PTRHD1: variants seen among roughly 807,000 people sequenced by gnomAD.
The protein encoded by PTRHD1 is peptidyl-tRNA hydrolase domain containing 1.
PTRHD1 carries 12 observed loss-of-function variants against 13.6 expected under a neutral mutation model. The observed-to-expected ratio is 0.88, with a 90% confidence interval of 0.57 to 1.43. The LOEUF is 1.43. Ranked by LOEUF, PTRHD1 falls within the 40% of genes most tolerant of loss-of-function variation. The pLI is 0.00. For synonymous variants in PTRHD1, 86 were observed against 79.5 expected (o/e 1.08, Z -0.43); for missense variants, 203 against 184.7 (o/e 1.10, Z -0.57).
Position 24,790,531 on chromosome 2 carries a change from C to A in PTRHD1, c.303G>T (p.Lys101Asn), listed in dbSNP as rs781061180. 1.2e-6 allele frequency: 2 copies of A among 1,614,078 alleles called. No homozygotes were observed. Among genetic ancestry groups the A allele is most frequent in the African/African-American group, 2.7e-5 (2 of 74,916 alleles). ...CAAGCCACAGCATGTGGTCAATGTT[C>A]TTCTGTTGCAGGGTCTCGGCCAGCT... ...LKELAETLQQ[K>N]NIDHMLWLEQ... The change falls in exon 2 of 2, where the codon AAG becomes AAT. Residue 101 changes from lysine to asparagine, a missense_variant. Transcript: ENST00000328379.
chr2:24,790,702 G>A, intron 1 of PTRHD1, 121 bp from the exon 2 acceptor site: 1 of 823,152 alleles, frequency 1.2e-6, no homozygotes, highest in Non-Finnish European at 1.9e-6. Flanking sequence ...CAAGGAGGGA[G>A]CTGCAGAGCA....
chr2:24,790,288 T>C lies in PTRHD1; in HGVS notation c.*123A>G, dbSNP rs1665593195. Reference sequence around the variant, plus strand: ...GTAGTTATTAATGACAACTTTAATATGAACATGTGCTTAACCCTCAAGAAA... The same window carrying C: ...GTAGTTATTAATGACAACTTTAATACGAACATGTGCTTAACCCTCAAGAAA... On this transcript the variant is annotated 3_prime_UTR_variant, in exon 2 of 2. Coordinates refer to ENST00000328379, the MANE Select transcript of PTRHD1 (RefSeq NM_001013663.2). 4.4e-6 allele frequency: 5 copies of C among 1,126,876 alleles called. No individual in the cohort carries two copies. The highest frequency in any genetic ancestry group is 2.0e-4 in the Middle Eastern group (1 of 4,918). 69.8% of individuals were successfully genotyped at this position (1,126,876 alleles called of 1,614,324 possible). A position where few individuals can be genotyped will look rare whatever the true frequency, so the allele number is the denominator to read the frequency against.
At position 24,793,239 on chromosome 2, in the gene PTRHD1, G is replaced by C. The variant is rs745532626; in HGVS notation, c.139C>G (p.Leu47Val). Residue 47 changes from leucine (L) to valine (V), a missense_variant, in exon 1 of 2, where the codon CTG becomes GTG. Physicochemically the swap from Leu to Val is conservative, Grantham distance 32. Transcript: ENST00000328379. Reference protein sequence around the residue: ...QAPFSWPAGALVAQACHAATA... With the variant: ...QAPFSWPAGAVVAQACHAATA... ...GCCGCGTGACAAGCCTGCGCTACCAGTGCGCCCGCCGGCCAGGAGAACGGA... is the reference window on the plus strand; with the variant it reads ...GCCGCGTGACAAGCCTGCGCTACCACTGCGCCCGCCGGCCAGGAGAACGGA... 1.2e-6 allele frequency: 2 copies of C among 1,613,572 alleles called. No homozygotes were observed. Among genetic ancestry groups the C allele is most frequent in the South Asian group, 2.2e-5 (2 of 91,090 alleles).
chr2:24,790,398 A>T lies in PTRHD1; in HGVS notation c.*13T>A. ...ATGGGTGGCCTGCGTATTCAAACAC[A>T]TCAAAGCAGCAGTTACTTGAACAAT... On this transcript the variant is annotated 3_prime_UTR_variant, in exon 2 of 2. Transcript: ENST00000328379. The T allele has an allele frequency of 6.2e-7, 1 of 1,612,076 alleles. No homozygotes were observed. Among genetic ancestry groups the T allele is most frequent in the Non-Finnish European group, 8.5e-7 (1 of 1,178,660 alleles).
chr2:24,793,024 T>C (rs1023163329), intron 1 of PTRHD1, 102 bp downstream of exon 1: 1 of 1,377,200 alleles, frequency 7.3e-7, no homozygotes, highest in South Asian at 1.4e-5. Flanking sequence ...TCACCCCAAC[T>C]CCCGCCGCAC....
In PTRHD1 at chr2:24,793,368, C is replaced by T. The variant is rs369029588; in HGVS notation, c.10G>A (p.Gly4Arg). 28 of 1,613,360 alleles carry T rather than the reference C, an allele frequency of 1.7e-5. No homozygotes were observed. In the South Asian group the frequency reaches 2.9e-4, roughly 16 times the overall value. Residue 4 changes from glycine to arginine, a missense_variant, in exon 1 of 2, where the codon GGA (glycine) becomes AGA (arginine). Physicochemically the swap from Gly to Arg is moderately radical, Grantham distance 125 (BLOSUM62 -2). Coordinates refer to ENST00000328379, the MANE Select transcript of PTRHD1 (RefSeq NM_001013663.2). MHR[G>R]VGPAFRVVRK... Reference sequence around the variant, plus strand: ...ACCACCCGAAAGGCCGGACCTACTCCCCGGTGCATCTTGGGATCAGGGCGG... The same window carrying T: ...ACCACCCGAAAGGCCGGACCTACTCTCCGGTGCATCTTGGGATCAGGGCGG...
Position 24,793,347 on chromosome 2 carries a change from C to T in PTRHD1, c.31G>A (p.Val11Met), listed in dbSNP as rs1665693719. The T allele has an allele frequency of 6.2e-7, 1 of 1,613,776 alleles. No homozygotes were observed. The highest frequency in any genetic ancestry group is 8.5e-7 in the Non-Finnish European group (1 of 1,180,032). Residue 11 changes from valine to methionine, a missense_variant, in exon 1 of 2, where the codon GTG becomes ATG. Val to Met is a conservative substitution (Grantham distance 21, BLOSUM62 1). Transcript: ENST00000328379. Reference protein sequence around the residue: MHRGVGPAFRVVRKMAASGAE... With the variant: MHRGVGPAFRMVRKMAASGAE... ...CCAGAGGCCGCCATCTTCCTGACCA[C>T]CCGAAAGGCCGGACCTACTCCCCGG... is the stretch of plus-strand genomic sequence containing the variant.
chr2:24,789,923 G>A lies in PTRHD1; in HGVS notation c.*488C>T, dbSNP rs1665587143. ...TGGGCTCAAGCGATCCTCCTGCCTTGGCTTCCCAAAACCCTGGAATTAACA... is the reference window on the plus strand; with the variant it reads ...TGGGCTCAAGCGATCCTCCTGCCTTAGCTTCCCAAAACCCTGGAATTAACA... On this transcript the variant is annotated 3_prime_UTR_variant, in exon 2 of 2. Transcript: ENST00000328379. 1 of 155,638 alleles carries A rather than the reference G, an allele frequency of 6.4e-6. No individual in the cohort carries two copies. The allele number at this position is 155,638 out of a possible 1,614,324, so 9.6% of individuals were successfully genotyped here.
At position 24,793,382 on chromosome 2, in the gene PTRHD1, G is replaced by C. The variant is rs746696810; in HGVS notation, c.-5C>G. On this transcript the variant is annotated 5_prime_UTR_variant, in exon 1 of 2. Coordinates refer to ENST00000328379, the MANE Select transcript of PTRHD1 (RefSeq NM_001013663.2). ...CGGACCTACTCCCCGGTGCATCTTGGGATCAGGGCGGGGCCCTGAGCGCCG... is the reference window on the plus strand; with the variant it reads ...CGGACCTACTCCCCGGTGCATCTTGCGATCAGGGCGGGGCCCTGAGCGCCG... 6.2e-7 allele frequency: 1 copy of C among 1,613,018 alleles called. No homozygotes were observed. Among genetic ancestry groups the C allele is most frequent in the Non-Finnish European group, 8.5e-7 (1 of 1,179,658 alleles).
chr2:24,793,210 G>GGTGAGTGTGCAAGGCCGC lies in PTRHD1; in HGVS notation c.167_168insGCGGCCTTGCACACTCAC (p.Thr56_Ala57insArgProCysThrLeuThr). On this transcript the variant is annotated inframe_insertion, in exon 1 of 2. Transcript: ENST00000328379. The stretch of plus-strand genomic sequence containing the variant: ...GGTCGCGGTGAGTGTGCAAGGCCGC[G>GGTGAGTGTGCAAGGCCGC]GTGGCCGCGTGACAAGCCTGCGCTA... The GGTGAGTGTGCAAGGCCGC allele has an allele frequency of 6.2e-7, 1 of 1,613,292 alleles. No homozygotes were observed. Among genetic ancestry groups the GGTGAGTGTGCAAGGCCGC allele is most frequent in the Non-Finnish European group, 8.5e-7 (1 of 1,179,966 alleles).
Position 24,793,227 on chromosome 2 carries a change from C to T in PTRHD1, c.151G>A (p.Ala51Thr). ...AAGGCCGCGGTGGCCGCGTGACAAG[C>T]CTGCGCTACCAGTGCGCCCGCCGGC... ...SWPAGALVAQACHAATAALHT... is the reference protein window; with the variant it reads ...SWPAGALVAQTCHAATAALHT... Residue 51 changes from alanine (A) to threonine (T), a missense_variant, in exon 1 of 2, where the codon GCT becomes ACT. Coordinates refer to ENST00000328379, the MANE Select transcript of PTRHD1 (RefSeq NM_001013663.2). The T allele has an allele frequency of 1.9e-6, 3 of 1,613,446 alleles. No homozygotes were observed. Among genetic ancestry groups the T allele is most frequent in the Non-Finnish European group, 2.5e-6 (3 of 1,180,014 alleles).
At chr2:24,790,737 G>A (rs1205628067) in intron 1 of PTRHD1, among the ~76,000 whole-genome samples, 156 bp from the exon 2 acceptor site, 2 of 152,206 alleles carry the variant, frequency 1.3e-5, no homozygotes, top group East Asian at 1.9e-4. Context: ...TGGTGCACTG[G>A]GGAGGGGAGA....
chr2:24,790,859 C>T (rs1173957459), intron 1 of PTRHD1, among the ~76,000 whole-genome samples: 1 of 151,938 alleles, frequency 6.6e-6, no homozygotes, highest in Non-Finnish European at 1.5e-5. Context: ...CATTTTCCAG[C>T]TCTCCTATGG....
intron 1 of PTRHD1, among the ~76,000 whole-genome samples, chr2:24,790,972 AGAGTGCAGTGGCAC>A (rs946715372): frequency 1.3e-5 from 2 of 149,506 alleles, no homozygotes; most frequent in Non-Finnish European, 3.0e-5. Flanking sequence ...CGCCTGGGCT[AGAGTGCAGTGGCAC>A]GATTATCAGC....
chr2:24,791,553 G>C (rs1301303243), intron 1 of PTRHD1: 5 of 152,204 alleles, frequency 3.3e-5, no homozygotes, highest in African/African-American at 9.6e-5. Flanking sequence ...TAATAAATTA[G>C]AGAATGCCAG....
intron 1 of PTRHD1, 53 bp downstream of exon 1, chr2:24,793,073 C>A: frequency 6.4e-7 from 1 of 1,574,096 alleles, no homozygotes; most frequent in Non-Finnish European, 8.6e-7. Context: ...GAAGACCACA[C>A]CCACTTCCGC....
chr2:24,790,641 C>G (rs532217679), intron 1 of PTRHD1, 60 bp from the exon 2 acceptor site: 2 of 1,520,320 alleles, frequency 1.3e-6, no homozygotes, highest in South Asian at 2.5e-5. Context: ...GTCAAAAGGC[C>G]AAAAAAGGTT....
chr2:24,791,140 G>A (rs960529740), intron 1 of PTRHD1, among the ~76,000 whole-genome samples: 1 of 152,054 alleles, frequency 6.6e-6, no homozygotes, highest in Non-Finnish European at 1.5e-5. Flanking sequence ...GCCCAGGCTG[G>A]TCTGGAGCTC....
chr2:24,790,110 A>G lies in PTRHD1; in HGVS notation c.*301T>C. Reference sequence around the variant, plus strand: ...ATATGATAACTGGATGTGAATAAGAAGGAATTCAAAAGCAAAGTTTCAAAC... The same window carrying G: ...ATATGATAACTGGATGTGAATAAGAGGGAATTCAAAAGCAAAGTTTCAAAC... On this transcript the variant is annotated 3_prime_UTR_variant, in exon 2 of 2. Transcript: ENST00000328379. The G allele has an allele frequency of 3.7e-6, 1 of 266,900 alleles. No homozygotes were observed. Among genetic ancestry groups the G allele is most frequent in the Non-Finnish European group, 7.0e-6 (1 of 142,122 alleles). 16.5% of individuals were successfully genotyped at this position (266,900 alleles called of 1,614,324 possible).
Sources: gnomAD v4.1 joint callset for allele counts (sites outside exome capture counted in the v4.1 genomes callset) on GRCh38, gnomAD v4.1.1 for gene constraint, MANE v1.5 for transcripts, NCBI Gene and HGNC (gene_info 2026-07-23, HGNC 2026-07-21) for gene names.